Variants in TMTC2 observed in about 807,000 individuals in gnomAD.
The protein encoded by TMTC2 is protein O-mannosyl-transferase TMTC2.
In TMTC2, 43 loss-of-function variants were observed where a neutral mutation model predicts 82.4. The ratio of observed to expected loss-of-function variants is 0.52; its 90% confidence interval spans 0.41 to 0.67. The LOEUF (loss-of-function observed/expected upper bound fraction) is 0.67. Ranked by LOEUF, TMTC2 falls within the 30% of genes least tolerant of loss-of-function variation. The probability of loss-of-function intolerance (pLI) is 0.00; values close to 1 mark genes in which losing one functional copy is unlikely to be tolerated. For missense variants in TMTC2, 919 were observed against 1,012.4 expected, an observed-to-expected ratio of 0.91 and a Z score of 1.25; for synonymous variants, 408 against 381.9, an observed-to-expected ratio of 1.07 and a Z score of -0.80.
intron 1 of TMTC2, among the ~76,000 whole-genome samples, chr12:82,810,634 C>T (rs940110454): frequency 6.6e-6 from 1 of 151,966 alleles, no homozygotes; most frequent in East Asian, 1.9e-4. Context: ...AGTTATTGTG[C>T]ACTGAAATGG....
chr12:82,913,923 T>A (rs1480072441), intron 3 of TMTC2, among the ~76,000 whole-genome samples: 1 of 152,170 alleles, frequency 6.6e-6, no homozygotes, highest in Non-Finnish European at 1.5e-5. Context: ...GTACTCTTTA[T>A]ACGTGGGTTT....
chr12:82,987,430 A>T (rs1391039427), intron 8 of TMTC2, among the ~76,000 whole-genome samples: 1 of 151,230 alleles, frequency 6.6e-6, no homozygotes, highest in Admixed American at 6.6e-5. Flanking sequence ...AAAAAAAAAA[A>T]AAAAAGAGAA....
Position 83,045,726 on chromosome 12 carries a change from C to CACACACACACACACACACACACCA in TMTC2, c.2153-5178_2153-5177insACACACACACACACACACACACCA, listed in dbSNP as rs747864661. Among the ~76,000 whole-genome samples the CACACACACACACACACACACACCA allele has an allele frequency of 4.6e-3, 359 of 77,500 alleles. 4 individuals are homozygous for CACACACACACACACACACACACCA. Among genetic ancestry groups the CACACACACACACACACACACACCA allele is most frequent in the African/African-American group, 7.6e-3 (199 of 26,344 alleles). 50.8% of individuals were successfully genotyped at this position (77,500 alleles called of 152,430 possible). A position where few individuals can be genotyped will look rare whatever the true frequency, so the allele number is the denominator to read the frequency against. On this transcript the variant is annotated intron_variant, in intron 9 of 11. Coordinates refer to ENST00000321196, the MANE Select transcript of TMTC2 (RefSeq NM_152588.3). ...GCTCCTTCACACACACACACACACA[C>CACACACACACACACACACACACCA]GCACACACACACACACACACACACA...
chr12:83,035,216 G>A (rs1243808114), intron 9 of TMTC2, among the ~76,000 whole-genome samples: 2 of 152,160 alleles, frequency 1.3e-5, no homozygotes, highest in Non-Finnish European at 2.9e-5. Flanking sequence ...ATGGTGATTA[G>A]AAGGCAATAT....
chr12:83,032,332 G>A (rs1362915062), intron 9 of TMTC2, among the ~76,000 whole-genome samples: 1 of 141,398 alleles, frequency 7.1e-6, no homozygotes, highest in Non-Finnish European at 1.5e-5. Context: ...CAGTATCATT[G>A]CTCCTTTTGA....
chr12:83,062,106 G>A (rs193225484), intron 11 of TMTC2, among the ~76,000 whole-genome samples: 12 of 151,706 alleles, frequency 7.9e-5, no homozygotes, highest in Admixed American at 2.0e-4. Context: ...CTTGAACACC[G>A]GCTTTGGCAT....
chr12:83,083,589 C>T (rs1883548290), intron 11 of TMTC2, among the ~76,000 whole-genome samples: 1 of 152,102 alleles, frequency 6.6e-6, no homozygotes, highest in Admixed American at 6.6e-5. Context: ...TTCCCGAGCG[C>T]GTAGACTGGT....
At chr12:83,036,948 T>C (rs1406522599) in intron 9 of TMTC2, among the ~76,000 whole-genome samples, 3 of 152,138 alleles carry the variant, frequency 2.0e-5, no homozygotes, top group South Asian at 4.2e-4. Flanking sequence ...AACTAATCCA[T>C]AGTCATAAGA....
intron 2 of TMTC2, among the ~76,000 whole-genome samples, chr12:82,881,331 G>T (rs1054046519): frequency 6.6e-6 from 1 of 152,182 alleles, no homozygotes; most frequent in African/African-American, 2.4e-5. Context: ...ATCTTACCGT[G>T]AATTTGTGTA....
At chr12:83,082,919 T>C (rs1883523224) in intron 11 of TMTC2, among the ~76,000 whole-genome samples, 1 of 152,222 alleles carries the variant, frequency 6.6e-6, no homozygotes, top group Non-Finnish European at 1.5e-5. Flanking sequence ...TCACATGTCC[T>C]GGTAGGCAAT....
At position 82,803,483 on chromosome 12, in the gene TMTC2, G is replaced by A. The variant is rs746293998; in HGVS notation, c.84-53527G>A. Among the ~76,000 whole-genome samples, 232 of 152,248 alleles carry A rather than the reference G, an allele frequency of 1.5e-3. 1 individual carries two copies. The highest frequency in any genetic ancestry group is 2.2e-3 in the Non-Finnish European group (147 of 68,008). On this transcript the variant is annotated intron_variant, in intron 1 of 11. Coordinates refer to ENST00000321196, the MANE Select transcript of TMTC2 (RefSeq NM_152588.3). Reference sequence around the variant, plus strand: ...ACATGAAAGTGATAATTGATCTCAGGTGCCAGGGAGAGAGGAGTTTCACAG... The same window carrying A: ...ACATGAAAGTGATAATTGATCTCAGATGCCAGGGAGAGAGGAGTTTCACAG...
At chr12:82,987,751 A>G (rs1293136743) in intron 8 of TMTC2, among the ~76,000 whole-genome samples, 1 of 152,096 alleles carries the variant, frequency 6.6e-6, no homozygotes, top group Non-Finnish European at 1.5e-5. Flanking sequence ...AAGAGCAGGA[A>G]TTAAATGCCT....
intron 7 of TMTC2, among the ~76,000 whole-genome samples, chr12:82,970,711 T>A (rs964821212): frequency 6.6e-6 from 1 of 152,250 alleles, no homozygotes; most frequent in Non-Finnish European, 1.5e-5. Flanking sequence ...ATATGACTAC[T>A]TCATAGACAA....
intron 4 of TMTC2, among the ~76,000 whole-genome samples, chr12:82,952,949 A>G (rs1333445412): frequency 1.3e-5 from 2 of 152,194 alleles, no homozygotes; most frequent in Non-Finnish European, 2.9e-5. Flanking sequence ...GTCAAGTGAT[A>G]AGAAACCCAA....
At chr12:82,901,876 CT>C (rs1034597575) in intron 3 of TMTC2, among the ~76,000 whole-genome samples, 1 of 150,514 alleles carries the variant, frequency 6.6e-6, no homozygotes, top group Non-Finnish European at 1.5e-5. Context: ...TCTATTTCAG[CT>C]GTAATCAACT....
At chr12:82,922,757 A>C (rs1449943203) in intron 3 of TMTC2, among the ~76,000 whole-genome samples, 3 of 152,150 alleles carry the variant, frequency 2.0e-5, no homozygotes, top group Non-Finnish European at 4.4e-5. Flanking sequence ...AATTTTTAAT[A>C]TTTATCATTG....
intron 1 of TMTC2, among the ~76,000 whole-genome samples, chr12:82,807,222 C>T (rs936261736): frequency 6.6e-6 from 1 of 152,082 alleles, no homozygotes; most frequent in Admixed American, 6.6e-5. Flanking sequence ...GGGATTTACC[C>T]AGGGTTCCTT....
chr12:82,973,312 T>G (rs1878527587), intron 7 of TMTC2, among the ~76,000 whole-genome samples: 1 of 152,132 alleles, frequency 6.6e-6, no homozygotes, highest in Non-Finnish European at 1.5e-5. Flanking sequence ...TTAAGATAAG[T>G]CTCTTTATTT....
At chr12:82,990,315 T>G (rs1003421269) in intron 8 of TMTC2, among the ~76,000 whole-genome samples, 1 of 152,182 alleles carries the variant, frequency 6.6e-6, no homozygotes, top group African/African-American at 2.4e-5. Flanking sequence ...TATTAGTACT[T>G]TTATTACAGT....
Sources: gnomAD v4.1 joint callset for allele counts (sites outside exome capture counted in the v4.1 genomes callset) on GRCh38, gnomAD v4.1.1 for gene constraint, MANE v1.5 for transcripts, NCBI Gene and HGNC (gene_info 2026-07-23, HGNC 2026-07-21) for gene names.